Variants in MAPK15 observed in about 807,000 individuals in gnomAD.
MAPK15 encodes ERK-7.
MAPK15 carries 61 observed loss-of-function variants against 60.8 expected under a neutral mutation model. The ratio of observed to expected loss-of-function variants is 1.00; its 90% confidence interval spans 0.82 to 1.24. MAPK15 has a LOEUF of 1.24. Among genes scored for constraint, MAPK15 ranks in the 50% most tolerant of loss-of-function variants. The probability of loss-of-function intolerance (pLI) is 0.00; values close to 1 mark genes in which losing one functional copy is unlikely to be tolerated. For missense variants in MAPK15, 808 were observed against 741.1 expected (o/e 1.09, Z -1.05); for synonymous variants, 356 against 319.9 (o/e 1.11, Z -1.21).
At chr8:143,716,497 A>C in intron 1 of MAPK15, 54 bp downstream of exon 1, 2 of 1,536,332 alleles carry the variant, frequency 1.3e-6, no homozygotes, top group Non-Finnish European at 1.8e-6. Flanking sequence ...ATCTGCGGAG[A>C]GAGGACCTGC....
chr8:143,720,118 C>G lies in MAPK15; in HGVS notation c.722-112C>G, dbSNP rs1322310878. ...TTGAGCCCCGCCAGACAGCAGAAAC[C>G]CTGTAGAGAGGCTGTGCTCCCTGGG... is the stretch of plus-strand genomic sequence containing the variant. On this transcript the variant is annotated intron_variant, in intron 7 of 13. Coordinates refer to ENST00000338033, the MANE Select transcript of MAPK15 (RefSeq NM_139021.3). This position sits in a 1 kb window ranked among gnomAD's most constrained non-coding sequence, Gnocchi z 4.6. 6.8e-7 allele frequency: 1 copy of G among 1,469,152 alleles called. No homozygotes were observed. Among genetic ancestry groups the G allele is most frequent in the Non-Finnish European group, 9.2e-7 (1 of 1,091,504 alleles). 91.0% of individuals were successfully genotyped at this position (1,469,152 alleles called of 1,614,324 possible).
chr8:143,721,196 G>A (rs782729509), intron 10 of MAPK15, 35 bp from the exon 11 acceptor site: 1 of 1,597,614 alleles, frequency 6.3e-7, no homozygotes, highest in Non-Finnish European at 8.5e-7. Context: ...CCCATGCCCA[G>A]GCTGTGACCT....
chr8:143,717,331 G>A (rs1248617175), intron 1 of MAPK15, among the ~76,000 whole-genome samples: 1 of 152,140 alleles, frequency 6.6e-6, no homozygotes, highest in Non-Finnish European at 1.5e-5. Flanking sequence ...CTAGATTCTG[G>A]AGGAATCTGA....
Position 143,720,420 on chromosome 8 carries a change from C to T in MAPK15, c.779+133C>T. 6.9e-7 allele frequency: 1 copy of T among 1,450,112 alleles called. No homozygotes were observed. Among genetic ancestry groups the T allele is most frequent in the South Asian group, 1.5e-5 (1 of 68,214 alleles). 89.8% of individuals were successfully genotyped at this position (1,450,112 alleles called of 1,614,324 possible). Reference sequence around the variant, plus strand: ...CTGTTTTCAAGATGGCAGTCCCAAACCCAACAACTGTTGGCCACACTGAAA... The same window carrying T: ...CTGTTTTCAAGATGGCAGTCCCAAATCCAACAACTGTTGGCCACACTGAAA... On this transcript the variant is annotated intron_variant, in intron 8 of 13. Coordinates refer to ENST00000338033, the MANE Select transcript of MAPK15 (RefSeq NM_139021.3). The surrounding 1 kb of genome is among the most constrained non-coding windows in gnomAD (Gnocchi z 4.6).
Position 143,720,706 on chromosome 8 carries a change from A to G in MAPK15, c.783A>G (p.Pro261=), listed in dbSNP as rs1393331168. 9 of 1,610,884 alleles carry G rather than the reference A, an allele frequency of 5.6e-6. No individual in the cohort carries two copies. Among genetic ancestry groups the G allele is most frequent in the Non-Finnish European group, 7.6e-6 (9 of 1,178,858 alleles). Reference sequence around the variant, plus strand: ...GACGACACACGGCAGCCCACAGGCCACGACAGACGCTGGATGCCCTCCTAC... The same window carrying G: ...GACGACACACGGCAGCCCACAGGCCGCGACAGACGCTGGATGCCCTCCTAC... ...ASVLHQLGSR[P]RQTLDALLPP... The change falls in exon 9 of 14, where the codon CCA becomes CCG. Residue 261 remains proline, a synonymous_variant. Transcript: ENST00000338033. This position sits in a 1 kb window ranked among gnomAD's most constrained non-coding sequence, Gnocchi z 4.6.
Position 143,722,209 on chromosome 8 carries a change from G to A in MAPK15, c.1593G>A (p.Ser531=), listed in dbSNP as rs782005754. The A allele has an allele frequency of 1.7e-5, 27 of 1,604,008 alleles. No individual in the cohort carries two copies. Among genetic ancestry groups the A allele is most frequent in the East Asian group, 1.1e-4 (5 of 44,754 alleles). ...AAGCCTACGGGACTGTCTGCCACTC[G>A]GCACTGGGCCACCTGCCCCTGCTGG... ...YSQAYGTVCH[S]ALGHLPLLEG... Residue 531 remains serine, a synonymous_variant, in exon 14 of 14, where the codon TCG becomes TCA. Coordinates refer to ENST00000338033, the MANE Select transcript of MAPK15 (RefSeq NM_139021.3).
chr8:143,721,801 C>T lies in MAPK15; in HGVS notation c.1379C>T (p.Ala460Val), dbSNP rs782606854. The T allele has an allele frequency of 2.4e-5, 38 of 1,612,904 alleles. No homozygotes were observed. The highest frequency in any genetic ancestry group is 6.7e-5 in the Admixed American group (4 of 59,926). ...GAAPSLTSQA[A>V]AQVANQALIR... ...GCGCCCTCCCTGACCTCCCAGGCTG[C>T]GGCTCAGGTGGCCAACCAGGCCCTG... Residue 460 changes from alanine to valine, a missense_variant, in exon 13 of 14, where the codon GCG becomes GTG. Ala to Val is a moderately conservative substitution (Grantham distance 64). Coordinates refer to ENST00000338033, the MANE Select transcript of MAPK15 (RefSeq NM_139021.3).
rs782281793 is a variant in MAPK15 at position 143,719,072 on chromosome 8, C to T, written c.497C>T (p.Pro166Leu). 8 of 1,579,420 alleles carry T rather than the reference C, an allele frequency of 5.1e-6. No individual in the cohort carries two copies. The highest frequency in any genetic ancestry group is 6.9e-6 in the Non-Finnish European group (8 of 1,163,250). ...CTGGCCCGCTCCCTGGGCGACCTCC[C>T]CGAGGGGCCTGAGGACCAGGCCGTG... ...FGLARSLGDLPEGPEDQAVTE... is the reference protein window; with the variant it reads ...FGLARSLGDLLEGPEDQAVTE... Residue 166 changes from proline (P) to leucine (L), a missense_variant, in exon 6 of 14, where the codon CCC becomes CTC. Coordinates refer to ENST00000338033, the MANE Select transcript of MAPK15 (RefSeq NM_139021.3).
Position 143,720,971 on chromosome 8 carries a change from C to A in MAPK15, c.918-29C>A. On this transcript the variant is annotated intron_variant, in intron 9 of 13. Coordinates refer to ENST00000338033, the MANE Select transcript of MAPK15 (RefSeq NM_139021.3). This position sits in a 1 kb window ranked among gnomAD's most constrained non-coding sequence, Gnocchi z 4.6. The stretch of plus-strand genomic sequence containing the variant: ...CTTGAGGGGCTCCCTTGGCCGCAGC[C>A]CGGGCCCCACCTCCCTGGCTCCCTG... 6.3e-7 allele frequency: 1 copy of A among 1,593,592 alleles called. No individual in the cohort carries two copies. The highest frequency in any genetic ancestry group is 8.5e-7 in the Non-Finnish European group (1 of 1,170,204).
chr8:143,717,990 G>A (rs377656943), intron 2 of MAPK15, 57 bp from the exon 3 acceptor site: 5 of 1,612,196 alleles, frequency 3.1e-6, no homozygotes, highest in Middle Eastern at 1.7e-4. Context: ...GTCCTCTCAG[G>A]ACATGGGCTT....
At chr8:143,717,589 CG>C in intron 1 of MAPK15, 104 bp from the exon 2 acceptor site, 1 of 990,734 alleles carries the variant, frequency 1.0e-6, no homozygotes, top group Non-Finnish European at 1.5e-6. Context: ...CATCCCCTCT[CG>C]GGACCCAGGA....
Position 143,720,993 on chromosome 8 carries a change from C to A in MAPK15, c.918-7C>A. 6.2e-7 allele frequency: 1 copy of A among 1,607,070 alleles called. No individual in the cohort carries two copies. The highest frequency in any genetic ancestry group is 8.5e-7 in the Non-Finnish European group (1 of 1,177,296). On this transcript the variant is annotated splice_polypyrimidine_tract_variant and splice_region_variant and intron_variant, in intron 9 of 13. Transcript: ENST00000338033. The surrounding 1 kb of genome is among the most constrained non-coding windows in gnomAD (Gnocchi z 4.6). Reference sequence around the variant, plus strand: ...AGCCCGGGCCCCACCTCCCTGGCTCCCTGCAGGTTCCACTGCCCCAGCGAC... The same window carrying A: ...AGCCCGGGCCCCACCTCCCTGGCTCACTGCAGGTTCCACTGCCCCAGCGAC...
intron 1 of MAPK15, 104 bp from the exon 2 acceptor site, chr8:143,717,590 G>A (rs1455170970): frequency 4.5e-5 from 45 of 996,886 alleles, no homozygotes; most frequent in Non-Finnish European, 6.4e-5. Context: ...ATCCCCTCTC[G>A]GGACCCAGGA....
Position 143,721,425 on chromosome 8 carries a change from G to T in MAPK15, c.1204+14G>T, listed in dbSNP as rs551801387. ...CTGCCGAGCACGGTGTGTGATCTTT[G>T]CTGGCCGCCCACGCGGAGCACGGCC... On this transcript the variant is annotated intron_variant, in intron 11 of 13. Transcript: ENST00000338033. The T allele has an allele frequency of 1.2e-6, 2 of 1,609,188 alleles. No homozygotes were observed. The highest frequency in any genetic ancestry group is 3.4e-5 in the Admixed American group (2 of 59,544).
At chr8:143,719,183 C>G (rs782355471) in intron 6 of MAPK15, 27 bp downstream of exon 6, 9 of 1,510,646 alleles carry the variant, frequency 6.0e-6, no homozygotes, top group African/African-American at 2.8e-5. Context: ...CCCAACCCCC[C>G]CTCCACCTCC....
At position 143,720,422 on chromosome 8, in the gene MAPK15, C is replaced by G; in HGVS notation, c.779+135C>G. 1 of 1,449,494 alleles carries G rather than the reference C, an allele frequency of 6.9e-7. No homozygotes were observed. The highest frequency in any genetic ancestry group is 9.1e-7 in the Non-Finnish European group (1 of 1,097,970). 89.8% of individuals were successfully genotyped at this position (1,449,494 alleles called of 1,614,324 possible). Reference sequence around the variant, plus strand: ...GTTTTCAAGATGGCAGTCCCAAACCCAACAACTGTTGGCCACACTGAAAGC... The same window carrying G: ...GTTTTCAAGATGGCAGTCCCAAACCGAACAACTGTTGGCCACACTGAAAGC... On this transcript the variant is annotated intron_variant, in intron 8 of 13. Transcript: ENST00000338033. The surrounding 1 kb of genome is among the most constrained non-coding windows in gnomAD (Gnocchi z 4.6).
At position 143,718,877 on chromosome 8, in the gene MAPK15, C is replaced by T. The variant is rs376624672; in HGVS notation, c.389C>T (p.Ser130Leu). Residue 130 changes from serine (S) to leucine (L), a missense_variant, in exon 5 of 14, where the codon TCG becomes TTG. Coordinates refer to ENST00000338033, the MANE Select transcript of MAPK15 (RefSeq NM_139021.3). ...CTGCGGGCCACCCGGTTCCTCCACTCGGGGCACGTTGTGCACCGGGACCAG... is the reference window on the plus strand; with the variant it reads ...CTGCGGGCCACCCGGTTCCTCCACTTGGGGCACGTTGTGCACCGGGACCAG... The part of the protein sequence containing the change: ...QLLRATRFLH[S>L]GHVVHRDQKP... 95 of 1,610,668 alleles carry T rather than the reference C, an allele frequency of 5.9e-5. 1 individual carries two copies. The highest frequency in any genetic ancestry group is 5.5e-4 in the South Asian group (50 of 90,686).
Position 143,722,117 on chromosome 8 carries a change from A to G in MAPK15, c.1501A>G (p.Met501Val). The G allele has an allele frequency of 6.2e-7, 1 of 1,612,208 alleles. No homozygotes were observed. The highest frequency in any genetic ancestry group is 2.2e-5 in the East Asian group (1 of 44,810). Residue 501 changes from methionine to valine, a missense_variant, in exon 14 of 14, where the codon ATG (methionine) becomes GTG (valine). Transcript: ENST00000338033. ...LPPEARPGRR[M>V]FSTSALQGAQ... ...TCCGGAGGCCCGGCCCGGCCGGAGGATGTTCAGCACCTCTGCCTTGCAGGG... is the reference window on the plus strand; with the variant it reads ...TCCGGAGGCCCGGCCCGGCCGGAGGGTGTTCAGCACCTCTGCCTTGCAGGG...
Position 143,720,472 on chromosome 8 carries a change from G to T in MAPK15, c.779+185G>T. On this transcript the variant is annotated intron_variant, in intron 8 of 13. Transcript: ENST00000338033. The surrounding 1 kb of genome is among the most constrained non-coding windows in gnomAD (Gnocchi z 4.6). ...CAGGAGCCCCTCTGGTGCTCCTAGA[G>T]GGTGGCCCAGAGGAGCTGTGCCAGG... 1 of 1,449,054 alleles carries T rather than the reference G, an allele frequency of 6.9e-7. No homozygotes were observed. Among genetic ancestry groups the T allele is most frequent in the Non-Finnish European group, 9.1e-7 (1 of 1,097,880 alleles). The allele number at this position is 1,449,054 out of a possible 1,614,324, so 89.8% of individuals were successfully genotyped here.
Sources: gnomAD v4.1 joint callset for allele counts (sites outside exome capture counted in the v4.1 genomes callset) on GRCh38, gnomAD v4.1.1 for gene constraint, Gnocchi (gnomAD v3.1) non-coding constraint, MANE v1.5 for transcripts, NCBI Gene and HGNC (gene_info 2026-07-23, HGNC 2026-07-21) for gene names.